CHL1: variants seen among roughly 807,000 people sequenced by gnomAD.
CHL1 encodes the protein cell adhesion molecule L1 like, also known as neural cell adhesion molecule L1-like protein.
A neutral mutation model predicts 141.9 loss-of-function variants in CHL1; 96 were observed. The observed-to-expected ratio is 0.68, with a 90% CI of 0.57 to 0.80. The LOEUF (loss-of-function observed/expected upper bound fraction) is 0.80, where lower values mean the gene tolerates loss of function less well. CHL1 is among the 30% of genes least tolerant of loss of function. The probability of loss-of-function intolerance (pLI) is 0.00; values close to 1 mark genes in which losing one functional copy is unlikely to be tolerated. For synonymous variants in CHL1, 613 were observed against 502.2 expected, an observed-to-expected ratio of 1.22 and a Z score of -2.95; for missense variants, 1,820 against 1,457.2, an observed-to-expected ratio of 1.25 and a Z score of -4.05.
intron 2 of CHL1, among the ~76,000 whole-genome samples, chr3:300,317 A>G (rs1698609832): frequency 6.6e-6 from 1 of 152,094 alleles, no homozygotes; most frequent in African/African-American, 2.4e-5. Flanking sequence ...GCTGAATGCT[A>G]AAGTTTTTTG....
chr3:290,946 AAAAG>A (rs1266501738), intron 2 of CHL1, among the ~76,000 whole-genome samples: 3 of 151,860 alleles, frequency 2.0e-5, no homozygotes, highest in Admixed American at 6.6e-5. Flanking sequence ...AAAAAAAAAA[AAAAG>A]AAAGAAAGAA....
intron 2 of CHL1, among the ~76,000 whole-genome samples, chr3:298,584 G>A (rs1348087156): frequency 6.6e-5 from 10 of 152,170 alleles, no homozygotes; most frequent in Admixed American, 6.5e-4. Flanking sequence ...GTGCTAGATA[G>A]TGAGCATTTG....
intron 1 of CHL1, among the ~76,000 whole-genome samples, chr3:214,315 G>T (rs1364865859): frequency 2.0e-5 from 3 of 152,060 alleles, no homozygotes; most frequent in Non-Finnish European, 4.4e-5. Flanking sequence ...CTCAGGTAAG[G>T]CTATTCTCTA....
chr3:341,814 A>C (rs1250109032), intron 6 of CHL1, 98 bp from the exon 7 acceptor site: 1 of 1,071,956 alleles, frequency 9.3e-7, no homozygotes, highest in East Asian at 2.7e-5. Context: ...CAAACAGGAA[A>C]AACCAAATGA....
chr3:349,624 T>A, intron 10 of CHL1, 81 bp downstream of exon 10: 1 of 1,217,758 alleles, frequency 8.2e-7, no homozygotes, highest in Non-Finnish European at 1.2e-6. Flanking sequence ...TTCTAAATCA[T>A]ACATGTTAAA....
chr3:249,693 A>C (rs1007036411), intron 2 of CHL1, among the ~76,000 whole-genome samples: 6 of 152,142 alleles, frequency 3.9e-5, no homozygotes, highest in African/African-American at 1.4e-4. Context: ...CAGCAGGTAA[A>C]TAATTGTATA....
intron 8 of CHL1, 50 bp downstream of exon 8, chr3:343,081 A>G (rs780187207): frequency 6.9e-6 from 10 of 1,447,022 alleles, no homozygotes; most frequent in Non-Finnish European, 9.4e-6. Context: ...GCTCATTGTC[A>G]TCTCAGATTT....
chr3:291,384 G>A (rs1169298282), intron 2 of CHL1, among the ~76,000 whole-genome samples: 1 of 151,260 alleles, frequency 6.6e-6, no homozygotes, highest in East Asian at 1.9e-4. Flanking sequence ...TATTGGGTAA[G>A]TTTTATTATA....
chr3:287,821 A>C (rs1251439947), intron 2 of CHL1, among the ~76,000 whole-genome samples: 4 of 151,648 alleles, frequency 2.6e-5, no homozygotes, highest in Non-Finnish European at 5.9e-5. Flanking sequence ...GGTGGAGTGC[A>C]GTGGCACGAT....
At chr3:294,682 C>G (rs1024504683) in intron 2 of CHL1, among the ~76,000 whole-genome samples, 1 of 111,352 alleles carries the variant, frequency 9.0e-6, no homozygotes, top group Non-Finnish European at 1.7e-5. Flanking sequence ...AGTAACAGTA[C>G]AGGCATGCCC....
chr3:226,542 C>T (rs1330320338), intron 1 of CHL1, among the ~76,000 whole-genome samples: 5 of 151,586 alleles, frequency 3.3e-5, no homozygotes, highest in Admixed American at 6.6e-5. Context: ...CTCCAACTCC[C>T]GGATTCAATC....
chr3:279,566 A>G (rs76703198), intron 2 of CHL1, among the ~76,000 whole-genome samples: 10,377 of 152,252 alleles, frequency 0.068, 439 homozygotes, highest in Non-Finnish European at 0.091. Flanking sequence ...GGAGTAATCA[A>G]TTTTTCCTGG....
chr3:273,061 C>G lies in CHL1; in HGVS notation c.-95+28369C>G, dbSNP rs73100335. 1.8e-3 allele frequency among the ~76,000 whole-genome samples: 279 copies of G among 152,290 alleles called. 4 individuals are homozygous for G. The South Asian group carries it at 0.023, about 12-fold the overall frequency. On this transcript the variant is annotated intron_variant, in intron 2 of 27. Transcript: ENST00000256509. Reference sequence around the variant, plus strand: ...TTTGAACCTGAGATTTGACTGACATCTCTGCGAAGATCTGGGAAAGTCTTC... The same window carrying G: ...TTTGAACCTGAGATTTGACTGACATGTCTGCGAAGATCTGGGAAAGTCTTC...
At chr3:230,034 T>C (rs1048500848) in intron 1 of CHL1, among the ~76,000 whole-genome samples, 2 of 152,126 alleles carry the variant, frequency 1.3e-5, no homozygotes, top group Non-Finnish European at 2.9e-5. Context: ...AAAGGCCCAA[T>C]AAGGTTCTGT....
chr3:354,108 A>C (rs1703497782), intron 10 of CHL1, among the ~76,000 whole-genome samples: 1 of 152,138 alleles, frequency 6.6e-6, no homozygotes, highest in Non-Finnish European at 1.5e-5. Flanking sequence ...TTACAAAAAA[A>C]CTCTAGGAAA....
At chr3:383,909 T>G (rs748242740) in intron 19 of CHL1, 23 bp downstream of exon 19, 1 of 1,518,354 alleles carries the variant, frequency 6.6e-7, no homozygotes, top group Non-Finnish European at 9.1e-7. Flanking sequence ...TAATACGTTA[T>G]GTATTTCTTT....
chr3:274,473 C>T (rs1695910678), intron 2 of CHL1, among the ~76,000 whole-genome samples: 1 of 152,156 alleles, frequency 6.6e-6, no homozygotes, highest in Non-Finnish European at 1.5e-5. Context: ...ATACATATAC[C>T]CACTGTTCAG....
At chr3:241,257 G>T (rs986462748) in intron 1 of CHL1, among the ~76,000 whole-genome samples, 19 of 152,190 alleles carry the variant, frequency 1.2e-4, no homozygotes, top group Non-Finnish European at 2.6e-4. Context: ...GTCATAAAAT[G>T]ACATGTCTCA....
At chr3:227,253 A>G (rs1162692858) in intron 1 of CHL1, among the ~76,000 whole-genome samples, 1 of 152,184 alleles carries the variant, frequency 6.6e-6, no homozygotes, top group Non-Finnish European at 1.5e-5. Flanking sequence ...TAGACAAGCT[A>G]TATAAAAAAG....
Sources: allele counts gnomAD v4.1 joint callset (sites outside exome capture counted in the v4.1 genomes callset), GRCh38; gene constraint gnomAD v4.1.1; transcripts MANE v1.5; gene names NCBI Gene and HGNC (gene_info 2026-07-23, HGNC 2026-07-21).